Variants in PRKD1 observed in about 807,000 individuals in gnomAD.
PRKD1 encodes serine/threonine-protein kinase D1.
PRKD1 carries 63 observed loss-of-function variants against 95.9 expected under a neutral mutation model. The observed-to-expected ratio is 0.66, with a 90% CI of 0.54 to 0.81. The LOEUF (loss-of-function observed/expected upper bound fraction) is 0.81, where lower values mean the gene tolerates loss of function less well. PRKD1 is among the 30% of genes least tolerant of loss of function. The probability of loss-of-function intolerance (pLI) is 0.00; values close to 1 mark genes in which losing one functional copy is unlikely to be tolerated. For synonymous variants in PRKD1, 425 were observed against 423.1 expected (o/e 1.00, Z -0.05); for missense variants, 1,048 against 1,165.3 (o/e 0.90, Z 1.47).
At chr14:29,740,309 A>T (rs1219220326) in intron 1 of PRKD1, among the ~76,000 whole-genome samples, 2 of 152,254 alleles carry the variant, frequency 1.3e-5, no homozygotes, top group Admixed American at 1.3e-4. Context: ...TAAAAATAAT[A>T]GACACAGGTA....
intron 13 of PRKD1, among the ~76,000 whole-genome samples, chr14:29,611,691 C>A (rs1156910034): frequency 6.7e-6 from 1 of 148,894 alleles, no homozygotes; most frequent in Non-Finnish European, 1.5e-5. Flanking sequence ...TCCCTTCACA[C>A]CATTATTGGG....
intron 1 of PRKD1, among the ~76,000 whole-genome samples, chr14:29,820,606 G>C (rs971749792): frequency 1.3e-5 from 2 of 152,130 alleles, no homozygotes; most frequent in African/African-American, 4.8e-5. Context: ...TGTTTTCATT[G>C]AATAATAAGC....
At chr14:29,798,260 A>G (rs1183248567) in intron 1 of PRKD1, among the ~76,000 whole-genome samples, 1 of 152,206 alleles carries the variant, frequency 6.6e-6, no homozygotes, top group Non-Finnish European at 1.5e-5. Flanking sequence ...AGTTCCACGC[A>G]GTTCCACCCA....
intron 13 of PRKD1, 26 bp downstream of exon 13, chr14:29,624,126 T>C (rs2139090105): frequency 6.6e-7 from 1 of 1,518,716 alleles, no homozygotes; most frequent in Non-Finnish European, 9.0e-7. Flanking sequence ...TTATACCCTT[T>C]CCCCAAATGA....
chr14:29,926,502 C>T (rs1209908403), intron 1 of PRKD1, among the ~76,000 whole-genome samples: 1 of 152,114 alleles, frequency 6.6e-6, no homozygotes, highest in African/African-American at 2.4e-5. Context: ...GGATAATGAC[C>T]CTTCTAACCT....
At chr14:29,580,485 C>T (rs1258242740) in intron 16 of PRKD1, among the ~76,000 whole-genome samples, 1 of 151,934 alleles carries the variant, frequency 6.6e-6, no homozygotes, top group African/African-American at 2.4e-5. Flanking sequence ...TGTATACATA[C>T]ATTTTGTGGC....
intron 16 of PRKD1, among the ~76,000 whole-genome samples, chr14:29,585,317 C>T (rs529950592): frequency 1.3e-5 from 2 of 152,256 alleles, no homozygotes; most frequent in South Asian, 2.1e-4. Context: ...TCACTCACTC[C>T]GGAGTCAATT....
intron 2 of PRKD1, among the ~76,000 whole-genome samples, chr14:29,719,895 CAG>C (rs45523837): frequency 0.1 from 15,344 of 152,098 alleles, 1,046 homozygotes; most frequent in African/African-American, 0.19. Flanking sequence ...ACCAGATGCT[CAG>C]AGAGGGGAAA....
intron 1 of PRKD1, among the ~76,000 whole-genome samples, chr14:29,793,181 T>C (rs1290635087): frequency 1.3e-5 from 2 of 152,038 alleles, no homozygotes; most frequent in African/African-American, 4.8e-5. Context: ...TATAATTTTA[T>C]TGAAATGGTA....
At chr14:29,612,570 A>T (rs1878542153) in intron 13 of PRKD1, among the ~76,000 whole-genome samples, 1 of 152,150 alleles carries the variant, frequency 6.6e-6, no homozygotes. Flanking sequence ...AAAATGGAAA[A>T]TTTTTACTTG....
At chr14:29,924,453 C>T (rs1028808048) in intron 1 of PRKD1, among the ~76,000 whole-genome samples, 1 of 152,148 alleles carries the variant, frequency 6.6e-6, no homozygotes, top group Non-Finnish European at 1.5e-5. Context: ...ACCTCAGTTG[C>T]TCATCCCAAA....
intron 2 of PRKD1, among the ~76,000 whole-genome samples, chr14:29,683,067 T>C (rs1480068687): frequency 6.6e-6 from 1 of 151,970 alleles, no homozygotes; most frequent in African/African-American, 2.4e-5. Context: ...TGAGTAGAGA[T>C]GGTGTGAGAT....
At chr14:29,862,573 T>C (rs936970725) in intron 1 of PRKD1, among the ~76,000 whole-genome samples, 1 of 152,232 alleles carries the variant, frequency 6.6e-6, no homozygotes, top group Non-Finnish European at 1.5e-5. Flanking sequence ...CCATTTTAAC[T>C]AGGTGAGATG....
chr14:29,807,431 C>G (rs1326698328), intron 1 of PRKD1, among the ~76,000 whole-genome samples: 1 of 152,082 alleles, frequency 6.6e-6, no homozygotes, highest in Non-Finnish European at 1.5e-5. Context: ...GGGTCACACT[C>G]CATGGCCCAG....
chr14:29,909,128 C>T (rs535927025), intron 1 of PRKD1, among the ~76,000 whole-genome samples: 6 of 152,294 alleles, frequency 3.9e-5, no homozygotes, highest in Admixed American at 1.3e-4. Flanking sequence ...CAGTGAGGGG[C>T]TTAGCACCTG....
At chr14:29,743,479 A>T (rs779793703) in intron 1 of PRKD1, among the ~76,000 whole-genome samples, 3 of 152,208 alleles carry the variant, frequency 2.0e-5, no homozygotes, top group Non-Finnish European at 1.5e-5. Context: ...ACCAAAAAAA[A>T]TTTTGATGTC....
intron 1 of PRKD1, among the ~76,000 whole-genome samples, chr14:29,903,031 C>A (rs1894372909): frequency 6.6e-6 from 1 of 152,148 alleles, no homozygotes; most frequent in Admixed American, 6.5e-5. Flanking sequence ...CCAAATTTGG[C>A]TCTCAGCTCT....
At chr14:29,675,270 G>T (rs1355181155) in intron 2 of PRKD1, among the ~76,000 whole-genome samples, 1 of 152,164 alleles carries the variant, frequency 6.6e-6, no homozygotes, top group Non-Finnish European at 1.5e-5. Context: ...GGTTTATTGA[G>T]ATAATAACTT....
intron 8 of PRKD1, 72 bp downstream of exon 8, chr14:29,634,346 C>T (rs1175648153): frequency 1.2e-6 from 2 of 1,607,524 alleles, no homozygotes; most frequent in African/African-American, 1.3e-5. Flanking sequence ...TCTCACAGTC[C>T]TCACGGGACA....
Sources: allele counts gnomAD v4.1 joint callset (sites outside exome capture counted in the v4.1 genomes callset), GRCh38; gene constraint gnomAD v4.1.1; transcripts MANE v1.5; gene names NCBI Gene and HGNC (gene_info 2026-07-23, HGNC 2026-07-21).